The following AHNAK2 variants were observed in gnomAD, a reference collection of about 807,000 sequenced individuals.
AHNAK2 encodes AHNAK nucleoprotein 2, also known as protein AHNAK2.
AHNAK2 carries 18 observed loss-of-function variants against 30.7 expected under a neutral mutation model. That is an observed-to-expected ratio of 0.59 (90% CI 0.41 to 0.87). The LOEUF (loss-of-function observed/expected upper bound fraction) is 0.87. Among genes scored for constraint, AHNAK2 ranks in the 40% least tolerant of loss-of-function variants. AHNAK2 has a pLI of 0.00. For synonymous variants in AHNAK2, 3,590 were observed against 3,073.8 expected (o/e 1.17, Z -5.56); for missense variants, 8,604 against 7,373.0 (o/e 1.17, Z -6.11).
rs367612057 is a variant in AHNAK2 at position 104,953,241 on chromosome 14, C to G, written c.2210G>C (p.Gly737Ala). Reference protein sequence around the residue: ...TPSADLEVQDGQVDVKLPEGP... With the variant: ...TPSADLEVQDAQVDVKLPEGP... ...CTCCGGAAGTTTCACATCCACTTGG[C>G]CATCCTGGACCTCCAGGTCAGCGGA... The change falls in exon 7 of 7, where the codon GGC (glycine) becomes GCC (alanine). Residue 737 changes from glycine (G) to alanine (A), a missense_variant. Coordinates refer to ENST00000333244, the MANE Select transcript of AHNAK2 (RefSeq NM_138420.4). 2.0e-5 allele frequency: 33 copies of G among 1,612,940 alleles called. No homozygotes were observed. The highest frequency in any genetic ancestry group is 2.7e-5 in the African/African-American group (2 of 74,470).
chr14:104,947,519 T>A lies in AHNAK2; in HGVS notation c.7932A>T (p.Lys2644Asn). The change falls in exon 7 of 7, where the codon AAA (lysine) becomes AAT (asparagine). Residue 2644 changes from lysine (K) to asparagine (N), a missense_variant. By Grantham distance (94) the Lys-to-Asn change is moderately conservative (BLOSUM62 0). Coordinates refer to ENST00000333244, the MANE Select transcript of AHNAK2 (RefSeq NM_138420.4). The stretch of plus-strand genomic sequence containing the variant: ...ACTTGGGCATTTTGAACTTGCTATC[T>A]TTGGCTGTCACACCCTTGTCGGCCA... ...LSLADKGVTA[K>N]DSKFKMPKFK... is the part of the protein sequence containing the mutation. 1 of 1,612,268 alleles carries A rather than the reference T, an allele frequency of 6.2e-7. No individual in the cohort carries two copies. The highest frequency in any genetic ancestry group is 8.5e-7 in the Non-Finnish European group (1 of 1,179,504).
Position 104,950,742 on chromosome 14 carries a change from G to C in AHNAK2, c.4709C>G (p.Ala1570Gly), listed in dbSNP as rs1278523694. The change falls in exon 7 of 7, where the codon GCC becomes GGC. Residue 1570 changes from alanine (A) to glycine (G), a missense_variant. Physicochemically the swap from Ala to Gly is moderately conservative, Grantham distance 60. Transcript: ENST00000333244. ...TTTGGGCAGGTGCCCTTTGAGGCCG[G>C]CTCCCTCGGACACAGGGCCCTCTGG... ...KLPEGPVSEG[A>G]GLKGHLPKVQ... 1 of 1,587,756 alleles carries C rather than the reference G, an allele frequency of 6.3e-7. No individual in the cohort carries two copies. The highest frequency in any genetic ancestry group is 2.3e-5 in the East Asian group (1 of 44,188).
chr14:104,961,913 C>A (rs765275731), intron 1 of AHNAK2, among the ~76,000 whole-genome samples: 21 of 152,172 alleles, frequency 1.4e-4, no homozygotes, highest in Admixed American at 4.6e-4. Flanking sequence ...GTTAAAGCTG[C>A]AGTGAGCCAA....
chr14:104,947,459 G>A lies in AHNAK2; in HGVS notation c.7992C>T (p.Gly2664=), dbSNP rs201024842. 398 of 1,612,466 alleles carry A rather than the reference G, an allele frequency of 2.5e-4. 2 individuals carry two copies. Among genetic ancestry groups the A allele is most frequent in the Non-Finnish European group, 3.1e-4 (366 of 1,179,496 alleles). ...KMPSFRVSAP[G]ESIEALVDVS... ...CATCCACCAACGCCTCGATGGACTC[G>A]CCTGGGGCCGACACCCTGAATGATG... Residue 2664 remains glycine, a synonymous_variant, in exon 7 of 7, where the codon GGC becomes GGT. Transcript: ENST00000333244.
Position 104,966,631 on chromosome 14 carries a change from C to A in AHNAK2, c.56-8959G>T, listed in dbSNP as rs887743140. On this transcript the variant is annotated intron_variant, in intron 1 of 6. Transcript: ENST00000333244. This position sits in a 1 kb window ranked among gnomAD's most constrained non-coding sequence, Gnocchi z 4.3. ...AAACCCTCCACTCCTTGCCCACCTG[C>A]CCCCTCCCACTCCCTCCACGTGGCC... Among the ~76,000 whole-genome samples the A allele has an allele frequency of 6.6e-6, 1 of 152,140 alleles. No homozygotes were observed. Among genetic ancestry groups the A allele is most frequent in the Admixed American group, 6.5e-5 (1 of 15,284 alleles).
In AHNAK2 at chr14:104,951,789, T is replaced by G. The variant is rs1434996375; in HGVS notation, c.3662A>C (p.Glu1221Ala). Residue 1221 changes from glutamate (E) to alanine (A), a missense_variant, in exon 7 of 7, where the codon GAG (glutamate) becomes GCG (alanine). Transcript: ENST00000333244. ...LSIQPPSADL[E>A]VHAGQVDVKL... ...CACGTCCACCTGGCCAGCGTGGACC[T>G]CCAGGTCAGCGGAAGGGGGCTGAAT... 3.0e-6 allele frequency: 4 copies of G among 1,347,694 alleles called. No homozygotes were observed. In the African/African-American group the frequency reaches 5.6e-5, roughly 19 times the overall value. The allele number at this position is 1,347,694 out of a possible 1,614,324, so 83.5% of individuals were successfully genotyped here.
Position 104,954,848 on chromosome 14 carries a change from G to T in AHNAK2, c.652-49C>A. 6.5e-7 allele frequency: 1 copy of T among 1,537,842 alleles called. No homozygotes were observed. Among genetic ancestry groups the T allele is most frequent in the Non-Finnish European group, 8.7e-7 (1 of 1,145,764 alleles). On this transcript the variant is annotated intron_variant, in intron 6 of 6. Transcript: ENST00000333244. The surrounding 1 kb of genome is among the most constrained non-coding windows in gnomAD (Gnocchi z 4.3). ...TGTTGGTGCCAGTCCAAGAAGCCTG[G>T]GGCCCTGGCCCAGGGACAGATGGAG...
intron 1 of AHNAK2, among the ~76,000 whole-genome samples, chr14:104,964,686 T>C (rs1359836186): frequency 6.6e-6 from 1 of 152,134 alleles, no homozygotes; most frequent in African/African-American, 2.4e-5. Flanking sequence ...ACACAGAAGC[T>C]AGATATAAAA....
rs1401617784 is a variant in AHNAK2, at chr14:104,945,148, A to G, written c.10303T>C (p.Ser3435Pro). The change falls in exon 7 of 7, where the codon TCT (serine) becomes CCT (proline). Residue 3435 changes from serine to proline, a missense_variant. By Grantham distance (74) the Ser-to-Pro change is moderately conservative (BLOSUM62 -1). Transcript: ENST00000333244. ...ACGTCCACCTCCACGCTGGGCAGAG[A>G]CACCTCCACATCAGGGACTGTCACT... ...AEVTVPDVEV[S>P]LPSVEVDVQA... is the part of the protein sequence containing the mutation. The G allele has an allele frequency of 6.2e-7, 1 of 1,612,668 alleles. No individual in the cohort carries two copies. The highest frequency in any genetic ancestry group is 1.1e-5 in the South Asian group (1 of 91,010).
In AHNAK2 at chr14:104,978,311, G is replaced by A. The variant is rs2140887793; in HGVS notation, c.-74C>T. The A allele has an allele frequency of 4.4e-6, 4 of 911,076 alleles. No homozygotes were observed. Among genetic ancestry groups the A allele is most frequent in the African/African-American group, 1.8e-5 (1 of 56,124 alleles). 56.4% of individuals were successfully genotyped at this position (911,076 alleles called of 1,614,324 possible). A position where few individuals can be genotyped will look rare whatever the true frequency, so the allele number is the denominator to read the frequency against. ...TGGTCCCGGCTCCGGCGCACGGGGC[G>A]GGCGGGCGGGAGCCGCGCTCTGCCC... On this transcript the variant is annotated 5_prime_UTR_variant, in exon 1 of 7. Transcript: ENST00000333244.
rs200254440 is a variant in AHNAK2 at position 104,950,713 on chromosome 14, G to C, written c.4738C>G (p.Gln1580Glu). 1,155 of 1,586,322 alleles carry C rather than the reference G, an allele frequency of 7.3e-4. 75 individuals carry two copies. In the African/African-American group the frequency reaches 0.011, roughly 15 times the overall value. The change falls in exon 7 of 7, where the codon CAG becomes GAG. Residue 1580 changes from glutamine (Q) to glutamate (E), a missense_variant. Coordinates refer to ENST00000333244, the MANE Select transcript of AHNAK2 (RefSeq NM_138420.4). ...TTGGGCATCTTGAAACTGGGCATCT[G>C]CACTTTGGGCAGGTGCCCTTTGAGG... ...AGLKGHLPKV[Q>E]MPSFKMPKVD...
Position 104,946,665 on chromosome 14 carries a change from T to A in AHNAK2, c.8786A>T (p.Lys2929Met), listed in dbSNP as rs1898290129. 1.9e-6 allele frequency: 3 copies of A among 1,612,790 alleles called. No individual in the cohort carries two copies. Among genetic ancestry groups the A allele is most frequent in the Non-Finnish European group, 1.7e-6 (2 of 1,179,690 alleles). The stretch of plus-strand genomic sequence containing the variant: ...CACGTCGGGGGCCGTCACCTCCGCC[T>A]TGGGGCCTTTCAGGTCCAGCTTGGG... The part of the protein sequence containing the change: ...KGPKLDLKGP[K>M]AEVTAPDVEV... Residue 2929 changes from lysine to methionine, a missense_variant, in exon 7 of 7, where the codon AAG becomes ATG. Transcript: ENST00000333244.
chr14:104,949,015 G>A lies in AHNAK2; in HGVS notation c.6436C>T (p.Leu2146=), dbSNP rs12890949. Residue 2146 remains leucine (L), a synonymous_variant, in exon 7 of 7, where the codon CTG becomes TTG. Coordinates refer to ENST00000333244, the MANE Select transcript of AHNAK2 (RefSeq NM_138420.4). ...QGDLTLANKD[L]TTKDSKFKMP... ...TTGAACTTGCTGTCTTTGGTAGTCA[G>A]GTCCTTGTTGGCCAGGGTCAGGTCC... 8.7e-5 allele frequency: 100 copies of A among 1,155,766 alleles called. 34 individuals carry two copies. The highest frequency in any genetic ancestry group is 7.5e-4 in the South Asian group (52 of 69,120). The allele number at this position is 1,155,766 out of a possible 1,614,324, so 71.6% of individuals were successfully genotyped here.
At chr14:104,972,830 C>A (rs1004809054) in intron 1 of AHNAK2, among the ~76,000 whole-genome samples, 1 of 152,262 alleles carries the variant, frequency 6.6e-6, no homozygotes, top group African/African-American at 2.4e-5. Flanking sequence ...CAGAACCGAG[C>A]CCTCGGCTCC....
rs192244979 is a variant in AHNAK2 at position 104,947,408 on chromosome 14, G to C, written c.8043C>G (p.Asp2681Glu). ...CCCCTTGCATGGAGGGGAGGCTCAT[G>C]TCGGCTTCCACCTTCAGCTCAGACA... ...VDVSELKVEA[D>E]MSLPSMQGDL... The change falls in exon 7 of 7, where the codon GAC becomes GAG. Residue 2681 changes from aspartate (D) to glutamate (E), a missense_variant. Transcript: ENST00000333244. 4 of 1,611,782 alleles carry C rather than the reference G, an allele frequency of 2.5e-6. No individual in the cohort carries two copies. In the Admixed American group the frequency reaches 6.7e-5, roughly 27 times the overall value.
rs766137645 is a variant in AHNAK2, at chr14:104,947,593, C to T, written c.7858G>A (p.Ala2620Thr). 9.9e-6 allele frequency: 16 copies of T among 1,613,032 alleles called. No individual in the cohort carries two copies. Among genetic ancestry groups the T allele is most frequent in the South Asian group, 7.7e-5 (7 of 91,060 alleles). The change falls in exon 7 of 7, where the codon GCC (alanine) becomes ACC (threonine). Residue 2620 changes from alanine to threonine, a missense_variant. By Grantham distance (58) the Ala-to-Thr change is moderately conservative (BLOSUM62 0). Transcript: ENST00000333244. Reference protein sequence around the residue: ...SLSSMEVDVQAPRAKLDGARL... With the variant: ...SLSSMEVDVQTPRAKLDGARL... ...GCACCATCCAGCTTTGCTCTCGGGGCCTGGACGTCCACCTCCATGCTGGAC... is the reference window on the plus strand; with the variant it reads ...GCACCATCCAGCTTTGCTCTCGGGGTCTGGACGTCCACCTCCATGCTGGAC...
At position 104,954,707 on chromosome 14, in the gene AHNAK2, C is replaced by G. The variant is rs1395220444; in HGVS notation, c.744G>C (p.Val248=). 6 of 1,612,952 alleles carry G rather than the reference C, an allele frequency of 3.7e-6. No homozygotes were observed. The highest frequency in any genetic ancestry group is 1.6e-4 in the Middle Eastern group (1 of 6,062). ...DQERLISKPR[V]GRGRQSQRER... is the part of the protein sequence containing the mutation. ...CCCTCTGGCTCTGCCTGCCTCTCCCCACCCTTGGTTTGGAGATGAGTCTCT... is the reference window on the plus strand; with the variant it reads ...CCCTCTGGCTCTGCCTGCCTCTCCCGACCCTTGGTTTGGAGATGAGTCTCT... Residue 248 remains valine (V), a synonymous_variant, in exon 7 of 7, where the codon GTG becomes GTC. Coordinates refer to ENST00000333244, the MANE Select transcript of AHNAK2 (RefSeq NM_138420.4). The surrounding 1 kb of genome is among the most constrained non-coding windows in gnomAD (Gnocchi z 4.3).
At position 104,947,708 on chromosome 14, in the gene AHNAK2, G is replaced by A; in HGVS notation, c.7743C>T (p.Leu2581=). The A allele has an allele frequency of 6.2e-7, 1 of 1,612,806 alleles. No homozygotes were observed. The highest frequency in any genetic ancestry group is 8.5e-7 in the Non-Finnish European group (1 of 1,179,624). Residue 2581 remains leucine (L), a synonymous_variant, in exon 7 of 7, where the codon CTC becomes CTT. Coordinates refer to ENST00000333244, the MANE Select transcript of AHNAK2 (RefSeq NM_138420.4). ...MPSFKMPEMD[L]KGPQLDVKGP... ...CCTTGACATCTAGCTGGGGGCCCTT[G>A]AGGTCCATTTCAGGCATCTTGAAAC...
In AHNAK2 at chr14:104,947,671, C is replaced by G. The variant is rs1277476257; in HGVS notation, c.7780G>C (p.Asp2594His). ...PQLDVKGPKLDLKGPKAEVTA... is the reference protein window; with the variant it reads ...PQLDVKGPKLHLKGPKAEVTA... ...ACTTCCGCCTTGGGGCCTTTCAGGT[C>G]CAGCTTGGGGCCCTTGACATCTAGC... is the stretch of plus-strand genomic sequence containing the variant. Residue 2594 changes from aspartate (D) to histidine (H), a missense_variant, in exon 7 of 7, where the codon GAC (aspartate) becomes CAC (histidine). Asp to His is a moderately conservative substitution (Grantham distance 81). Transcript: ENST00000333244. 6.2e-7 allele frequency: 1 copy of G among 1,613,012 alleles called. No homozygotes were observed. The highest frequency in any genetic ancestry group is 1.7e-5 in the Admixed American group (1 of 59,918).
Sources: gnomAD v4.1 joint callset for allele counts (sites outside exome capture counted in the v4.1 genomes callset) on GRCh38, gnomAD v4.1.1 for gene constraint, Gnocchi (gnomAD v3.1) non-coding constraint, MANE v1.5 for transcripts, NCBI Gene and HGNC (gene_info 2026-07-23, HGNC 2026-07-21) for gene names.